The following THRAP3 variants were observed in gnomAD, a reference collection of about 807,000 sequenced individuals.
The protein encoded by THRAP3 is thyroid hormone receptor associated protein 3.
THRAP3 carries 16 observed loss-of-function variants against 101.0 expected under a neutral mutation model. That is an observed-to-expected ratio of 0.16 (90% CI 0.11 to 0.24). THRAP3 has a LOEUF of 0.24. Among genes scored for constraint, THRAP3 ranks in the 10% least tolerant of loss-of-function variants. The pLI is 1.00. For synonymous variants in THRAP3, 407 were observed against 422.6 expected, an observed-to-expected ratio of 0.96 and a Z score of 0.45; for missense variants, 989 against 1,202.7, an observed-to-expected ratio of 0.82 and a Z score of 2.63.
At chr1:36,256,602 C>A (rs1040294455) in intron 1 of THRAP3, among the ~76,000 whole-genome samples, 1 of 152,126 alleles carries the variant, frequency 6.6e-6, no homozygotes, top group Non-Finnish European at 1.5e-5. Context: ...CACGCAGCAG[C>A]GAGCATGTAT....
chr1:36,297,869 G>A (rs1314313467), intron 9 of THRAP3, among the ~76,000 whole-genome samples: 7 of 151,678 alleles, frequency 4.6e-5, no homozygotes, highest in African/African-American at 1.5e-4. Flanking sequence ...AGTATTGGCC[G>A]GGTGTAGTGG....
upstream of THRAP3, among the ~76,000 whole-genome samples, chr1:36,223,003 C>T (rs1644914529): frequency 6.6e-6 from 1 of 151,836 alleles, no homozygotes; most frequent in Non-Finnish European, 1.5e-5. Context: ...GGCATATGCC[C>T]GTAAAATCAG....
chr1:36,295,357 C>T (rs1377806408), intron 8 of THRAP3, among the ~76,000 whole-genome samples: 1 of 151,872 alleles, frequency 6.6e-6, no homozygotes, highest in African/African-American at 2.4e-5. Context: ...TCATTTCTTC[C>T]TCCCTGAGTT....
chr1:36,262,886 G>A (rs910945373), intron 2 of THRAP3, among the ~76,000 whole-genome samples: 1 of 147,816 alleles, frequency 6.8e-6, no homozygotes, highest in African/African-American at 2.5e-5. Flanking sequence ...TCCACCTCCC[G>A]GGGTCACGCC....
chr1:36,222,502 G>C (rs900280771), upstream of THRAP3, among the ~76,000 whole-genome samples: 3 of 151,978 alleles, frequency 2.0e-5, no homozygotes, highest in African/African-American at 7.2e-5. Flanking sequence ...CACCTCCTGG[G>C]TTCAAGCGAT....
chr1:36,259,747 C>T (rs1645420457), intron 2 of THRAP3, among the ~76,000 whole-genome samples: 1 of 132,644 alleles, frequency 7.5e-6, no homozygotes, highest in South Asian at 2.5e-4. Context: ...GCCTGGGTGA[C>T]AGCAAGACCC....
intron 4 of THRAP3, chr1:36,288,850 A>G (rs745964530): frequency 1.7e-4 from 163 of 985,210 alleles, no homozygotes; most frequent in Non-Finnish European, 1.7e-4. Flanking sequence ...TGGATCATAT[A>G]TTTTTCTCTT....
chr1:36,293,727 A>T (rs974793110), intron 7 of THRAP3, 124 bp from the exon 8 acceptor site: 266 of 737,492 alleles, frequency 3.6e-4, no homozygotes, highest in Non-Finnish European at 9.6e-5. Context: ...TAATAGATAC[A>T]TAAGTCATGA....
intron 4 of THRAP3, 58 bp downstream of exon 4, chr1:36,287,328 A>G (rs1645809876): frequency 1.3e-6 from 2 of 1,503,838 alleles, no homozygotes; most frequent in Non-Finnish European, 1.8e-6. Context: ...TGGCAGTTTA[A>G]TTGTAATGTG....
chr1:36,215,115 T>C, the THRAP3 span, among the ~76,000 whole-genome samples: 1 of 151,558 alleles, frequency 6.6e-6, no homozygotes, highest in Non-Finnish European at 1.5e-5. Flanking sequence ...TCCCAGCTAC[T>C]TGGGAGGCTG....
intron 9 of THRAP3, among the ~76,000 whole-genome samples, chr1:36,297,981 C>T (rs1399834504): frequency 6.9e-6 from 1 of 144,056 alleles, no homozygotes; most frequent in Non-Finnish European, 1.5e-5. Flanking sequence ...CCTGTCTCTA[C>T]TGAAAAAAAA....
At chr1:36,281,737 C>T (rs1645733736) in intron 2 of THRAP3, among the ~76,000 whole-genome samples, 1 of 152,068 alleles carries the variant, frequency 6.6e-6, no homozygotes, top group African/African-American at 2.4e-5. Flanking sequence ...GTAGCTAGGA[C>T]TACAGGCCCT....
chr1:36,227,157 G>A (rs958820085), intron 1 of THRAP3, among the ~76,000 whole-genome samples: 37 of 152,146 alleles, frequency 2.4e-4, no homozygotes, highest in African/African-American at 8.4e-4. Context: ...TGACACTTTG[G>A]AGAGTGATTA....
upstream of THRAP3, chr1:36,224,348 G>A (rs1333475159): frequency 6.6e-6 from 1 of 152,372 alleles, no homozygotes; most frequent in African/African-American, 2.4e-5. Context: ...AGTCGGCCAG[G>A]AGAGGAGGGC....
chr1:36,241,426 T>TATAC (rs1557811472), intron 1 of THRAP3, among the ~76,000 whole-genome samples: 1 of 130,984 alleles, frequency 7.6e-6, no homozygotes, highest in African/African-American at 3.1e-5. Flanking sequence ...TATATATATA[T>TATAC]ATACACATAT....
upstream of THRAP3, among the ~76,000 whole-genome samples, chr1:36,220,972 A>AAAAAAATATATATATATAT (rs1285765741): frequency 2.1e-5 from 2 of 94,120 alleles, no homozygotes; most frequent in African/African-American, 9.5e-5. Context: ...AAAAAAAAAA[A>AAAAAAATATATATATATAT]ATATATATAT....
chr1:36,298,113 T>A (rs1345385729), intron 9 of THRAP3, among the ~76,000 whole-genome samples: 1 of 135,236 alleles, frequency 7.4e-6, no homozygotes, highest in East Asian at 2.3e-4. Context: ...CAGCACTGCA[T>A]TCCAGCCTAG....
chr1:36,290,981 T>C (rs1645861007), intron 5 of THRAP3, among the ~76,000 whole-genome samples: 1 of 152,162 alleles, frequency 6.6e-6, no homozygotes, highest in African/African-American at 2.4e-5. Context: ...GATCTTTTTA[T>C]TGATTGATTG....
rs763184143 is a variant in THRAP3, at chr1:36,282,679, G to A, written c.116G>A (p.Arg39His). Residue 39 changes from arginine to histidine, a missense_variant, in exon 3 of 12, where the codon CGT becomes CAT. Transcript: ENST00000354618. ...CGGTCCCGAAGCCGATCTCTCTCTC[G>A]TTCAAGGAAGCGCAGGCTGAGGTAA... The part of the protein sequence containing the change: ...KSRSRSRSLS[R>H]SRKRRLSSRS... The A allele has an allele frequency of 1.1e-5, 18 of 1,614,004 alleles. No homozygotes were observed. The highest frequency in any genetic ancestry group is 5.0e-5 in the Admixed American group (3 of 59,996).
Sources: gnomAD v4.1 joint callset for allele counts (sites outside exome capture counted in the v4.1 genomes callset) on GRCh38, gnomAD v4.1.1 for gene constraint, MANE v1.5 for transcripts, NCBI Gene and HGNC (gene_info 2026-07-23, HGNC 2026-07-21) for gene names.